The following LHX8 variants were observed in gnomAD, a reference collection of about 807,000 sequenced individuals.
The protein encoded by LHX8 is LIM homeobox 8, also known as LIM/homeobox protein Lhx8.
A neutral mutation model predicts 40.3 loss-of-function variants in LHX8; 12 were observed. The ratio of observed to expected loss-of-function variants is 0.30; its 90% CI spans 0.19 to 0.48. The LOEUF is 0.48. Among genes scored for constraint, LHX8 ranks in the 20% least tolerant of loss-of-function variants. LHX8 has a pLI of 0.99. For missense variants in LHX8, 344 were observed against 433.7 expected (o/e 0.79, Z 1.84); for synonymous variants, 179 against 162.0 (o/e 1.10, Z -0.80).
the LHX8 span, among the ~76,000 whole-genome samples, chr1:75,176,353 T>G: frequency 6.6e-6 from 1 of 152,230 alleles, no homozygotes; most frequent in East Asian, 1.9e-4. Context: ...GACTTTTTAA[T>G]GATCACTATT....
rs780709963 is a variant in LHX8, at chr1:75,136,681, G to A, written c.67G>A (p.Glu23Lys). The change falls in exon 2 of 9, where the codon GAG becomes AAG. Residue 23 changes from glutamate (E) to lysine (K), a missense_variant. Around this residue, in one of 3 missense-constraint regions of LHX8, gnomAD observed 108 missense variants for 90.1 expected, o/e 1.20. Transcript: ENST00000356261. ...AGRTRKGAGE[E>K]GLVSPEGAGD... Reference sequence around the variant, plus strand: ...GAGGACTCGCAAAGGCGCCGGGGAAGAGGGACTGGTGAGTGCGGAGGGGCT... The same window carrying A: ...GAGGACTCGCAAAGGCGCCGGGGAAAAGGGACTGGTGAGTGCGGAGGGGCT... 436 of 1,545,932 alleles carry A rather than the reference G, an allele frequency of 2.8e-4. 2 individuals carry two copies. In the East Asian group the frequency reaches 0.011, roughly 38 times the overall value.
At chr1:75,161,569 T>G (rs953624206), downstream of LHX8, 1 of 152,410 alleles carries the variant, frequency 6.6e-6, no homozygotes, top group African/African-American at 2.4e-5. Context: ...CAGCAGTAAG[T>G]TGACTTTAGT....
chr1:75,153,310 T>C (rs1405924879), intron 7 of LHX8, among the ~76,000 whole-genome samples: 1 of 152,226 alleles, frequency 6.6e-6, no homozygotes, highest in African/African-American at 2.4e-5. Flanking sequence ...TTTCACCATA[T>C]TGGCCAGGCT....
the LHX8 span, among the ~76,000 whole-genome samples, chr1:75,169,449 G>A: frequency 6.6e-6 from 1 of 152,234 alleles, no homozygotes; most frequent in South Asian, 2.1e-4. Context: ...TCAACCCTAC[G>A]TCAAGAAGTG....
intron 3 of LHX8, among the ~76,000 whole-genome samples, chr1:75,138,886 C>G (rs778293354): frequency 6.6e-6 from 1 of 151,998 alleles, no homozygotes; most frequent in Non-Finnish European, 1.5e-5. Flanking sequence ...CCCAATGAAG[C>G]CTTCCATGTA....
chr1:75,156,864 C>A, intron 7 of LHX8, 29 bp from the exon 8 acceptor site: 1 of 1,612,164 alleles, frequency 6.2e-7, no homozygotes, highest in South Asian at 1.1e-5. Flanking sequence ...TGTAACCTAC[C>A]TACTTCTGTT....
At chr1:75,172,292 A>G in the LHX8 span, among the ~76,000 whole-genome samples, 9 of 152,362 alleles carry the variant, frequency 5.9e-5, no homozygotes, top group South Asian at 1.7e-3. Context: ...AATACAATTT[A>G]GGAATTATTT....
the LHX8 span, among the ~76,000 whole-genome samples, chr1:75,181,669 C>T: frequency 2.6e-5 from 4 of 152,180 alleles, no homozygotes; most frequent in Non-Finnish European, 4.4e-5. Flanking sequence ...GAGGCGATGC[C>T]CCGCCCTGCT....
At chr1:75,148,871 A>G (rs1648532834) in intron 7 of LHX8, among the ~76,000 whole-genome samples, 189 bp downstream of exon 7, 2 of 152,190 alleles carry the variant, frequency 1.3e-5, no homozygotes, top group South Asian at 2.1e-4. Context: ...GTCAATCAAG[A>G]GAAACAAAAA....
chr1:75,185,174 T>G, the LHX8 span, among the ~76,000 whole-genome samples: 1 of 151,362 alleles, frequency 6.6e-6, no homozygotes, highest in African/African-American at 2.4e-5. Flanking sequence ...TTCTACCATA[T>G]GTACAAAGAA....
At chr1:75,130,525 C>T (rs1647934125), upstream of LHX8, 1 of 666,678 alleles carries the variant, frequency 1.5e-6, no homozygotes. Flanking sequence ...TCAGTCTTGG[C>T]CCACAGTGGG....
chr1:75,128,695 G>A (rs535504231), intron 1 of LHX8: 1 of 152,300 alleles, frequency 6.6e-6, no homozygotes, highest in African/African-American at 2.4e-5. Flanking sequence ...CAACAGCTAT[G>A]ATTACTGCCA....
At chr1:75,175,726 G>T in the LHX8 span, among the ~76,000 whole-genome samples, 2 of 151,870 alleles carry the variant, frequency 1.3e-5, no homozygotes, top group Non-Finnish European at 2.9e-5. Flanking sequence ...ACAACGTGCA[G>T]GTTTGGTACA....
chr1:75,181,037 A>C, the LHX8 span, among the ~76,000 whole-genome samples: 24 of 152,240 alleles, frequency 1.6e-4, no homozygotes, highest in African/African-American at 5.5e-4. Flanking sequence ...AAAACAGCAA[A>C]TATTGCAGAA....
At chr1:75,189,983 G>T in the LHX8 span, among the ~76,000 whole-genome samples, 1 of 152,088 alleles carries the variant, frequency 6.6e-6, no homozygotes, top group Non-Finnish European at 1.5e-5. Flanking sequence ...GTCAAAATAA[G>T]GATAAATATG....
At chr1:75,193,352 T>G in the LHX8 span, among the ~76,000 whole-genome samples, 732 of 152,302 alleles carry the variant, frequency 4.8e-3, 2 homozygotes, top group South Asian at 0.017. Context: ...CAGTTCTCTT[T>G]TGACCTTGCT....
chr1:75,155,546 C>T (rs74488660), intron 7 of LHX8, among the ~76,000 whole-genome samples: 7,058 of 152,116 alleles, frequency 0.046, 202 homozygotes, highest in Non-Finnish European at 0.071. Flanking sequence ...TGAAGAAACA[C>T]TCTCTATGGT....
chr1:75,139,030 TTTAAC>T (rs1316381177), intron 3 of LHX8, among the ~76,000 whole-genome samples: 2 of 152,114 alleles, frequency 1.3e-5, no homozygotes, highest in East Asian at 1.9e-4. Context: ...AAAGTTTGAG[TTTAAC>T]TTGAGTCACT....
At chr1:75,191,271 A>G in the LHX8 span, among the ~76,000 whole-genome samples, 2 of 152,006 alleles carry the variant, frequency 1.3e-5, no homozygotes, top group Non-Finnish European at 2.9e-5. Flanking sequence ...GATCCAAGAC[A>G]GGAAATTGAC....
Sources: gnomAD v4.1 joint callset for allele counts (sites outside exome capture counted in the v4.1 genomes callset) on GRCh38, gnomAD v4.1.1 for gene constraint, gnomAD v4.1.1 regional missense constraint, MANE v1.5 for transcripts, NCBI Gene and HGNC (gene_info 2026-07-23, HGNC 2026-07-21) for gene names.